Variants in USP25 observed in about 807,000 individuals in gnomAD.
USP25 encodes the protein ubiquitin carboxyl-terminal hydrolase 25.
USP25 carries 85 observed loss-of-function variants against 158.5 expected under a neutral mutation model. That is an observed-to-expected ratio of 0.54 (90% CI 0.45 to 0.64). The LOEUF is 0.64. Among genes scored for constraint, USP25 ranks in the 30% least tolerant of loss-of-function variants. The pLI is 0.00. For synonymous variants in USP25, 464 were observed against 460.4 expected, an observed-to-expected ratio of 1.01 and a Z score of -0.10; for missense variants, 1,242 against 1,327.3, an observed-to-expected ratio of 0.94 and a Z score of 1.00.
At chr21:15,834,989 A>G (rs1261336662) in intron 17 of USP25, among the ~76,000 whole-genome samples, 1 of 152,168 alleles carries the variant, frequency 6.6e-6, no homozygotes, top group African/African-American at 2.4e-5. Context: ...TTTTTAAAAC[A>G]TTTCTGTCCC....
chr21:15,796,260 G>C (rs2035857645), intron 5 of USP25, among the ~76,000 whole-genome samples: 1 of 151,418 alleles, frequency 6.6e-6, no homozygotes. Flanking sequence ...TAATTTTTAT[G>C]ATTTGTTGTG....
At chr21:15,771,504 A>C (rs1425083940) in intron 3 of USP25, among the ~76,000 whole-genome samples, 1 of 152,134 alleles carries the variant, frequency 6.6e-6, no homozygotes. Flanking sequence ...CTGATGGGGC[A>C]GTGTGCTGGC....
chr21:15,841,506 G>T lies in USP25; in HGVS notation c.2195-892G>T, dbSNP rs185610265. Among the ~76,000 whole-genome samples, 356 of 151,140 alleles carry T rather than the reference G, an allele frequency of 2.4e-3. 5 individuals carry two copies. Among genetic ancestry groups the T allele is most frequent in the African/African-American group, 8.3e-3 (342 of 41,196 alleles). On this transcript the variant is annotated intron_variant, in intron 17 of 25. Transcript: ENST00000400183. ...GTCCAGTCATATTATTCTTTTTTTT[G>T]AATGTAGTCCATGCTTACTGCATGG...
At chr21:15,751,985 A>G (rs1367681153) in intron 1 of USP25, among the ~76,000 whole-genome samples, 2 of 152,184 alleles carry the variant, frequency 1.3e-5, no homozygotes, top group East Asian at 3.9e-4. Context: ...CGCAGGTTGG[A>G]GTACAATGGT....
intron 2 of USP25, among the ~76,000 whole-genome samples, chr21:15,765,242 C>T (rs370348509): frequency 1.9e-4 from 29 of 152,016 alleles, no homozygotes; most frequent in Non-Finnish European, 3.4e-4. Flanking sequence ...TTAGAGCTAA[C>T]GTTTTACTTG....
At chr21:15,837,505 A>G (rs985892071) in intron 17 of USP25, among the ~76,000 whole-genome samples, 1 of 152,190 alleles carries the variant, frequency 6.6e-6, no homozygotes, top group Admixed American at 6.5e-5. Context: ...GAATCTCTGG[A>G]GAAAGGATCT....
At chr21:15,870,836 C>T (rs1310917118) in intron 23 of USP25, among the ~76,000 whole-genome samples, 7 of 152,036 alleles carry the variant, frequency 4.6e-5, no homozygotes, top group African/African-American at 1.7e-4. Flanking sequence ...TTAAGAAGCT[C>T]CCACTTAGGT....
At chr21:15,814,035 G>A (rs1384851409) in intron 9 of USP25, among the ~76,000 whole-genome samples, 1 of 151,108 alleles carries the variant, frequency 6.6e-6, no homozygotes, top group Non-Finnish European at 1.5e-5. Context: ...CTATTCTTAT[G>A]ATAATGAATA....
chr21:15,740,928 C>T (rs181519847), intron 1 of USP25, among the ~76,000 whole-genome samples: 19 of 151,222 alleles, frequency 1.3e-4, no homozygotes, highest in Admixed American at 6.6e-4. Context: ...TTAATGTTAT[C>T]GTGGTATGAT....
rs576697420 is a variant in USP25, at chr21:15,863,497, A to G, written c.2548-771A>G. 1.4e-4 allele frequency among the ~76,000 whole-genome samples: 22 copies of G among 152,218 alleles called. No individual in the cohort carries two copies. The South Asian group carries it at 4.1e-3, about 29-fold the overall frequency. ...TAATACGACTATGCATTTAAGAACA[A>G]TTTTCTTTCAGATTTGAGTATTGTT... On this transcript the variant is annotated intron_variant, in intron 20 of 25. Transcript: ENST00000400183.
intron 23 of USP25, among the ~76,000 whole-genome samples, chr21:15,874,000 ATGTTTG>A (rs1265697117): frequency 6.6e-6 from 1 of 152,068 alleles, no homozygotes; most frequent in East Asian, 1.9e-4. Context: ...AAACCAAATG[ATGTTTG>A]TGATCATTTA....
At chr21:15,762,043 C>A (rs1338367091) in intron 1 of USP25, among the ~76,000 whole-genome samples, 1 of 151,656 alleles carries the variant, frequency 6.6e-6, no homozygotes, top group East Asian at 1.9e-4. Context: ...ATATTCTGTT[C>A]CTGATCAAAC....
chr21:15,872,096 C>T (rs191325504), intron 23 of USP25, among the ~76,000 whole-genome samples: 7 of 138,866 alleles, frequency 5.0e-5, no homozygotes, highest in Admixed American at 3.8e-4. Flanking sequence ...AAAATATTGC[C>T]AAAAGATTCT....
intron 1 of USP25, among the ~76,000 whole-genome samples, chr21:15,735,712 A>G (rs1171267271): frequency 6.6e-5 from 10 of 152,146 alleles, no homozygotes; most frequent in Non-Finnish European, 1.5e-5. Flanking sequence ...GTGGTGTATG[A>G]TCTTTTTTGA....
intron 9 of USP25, among the ~76,000 whole-genome samples, chr21:15,811,704 A>G (rs2036669034): frequency 6.6e-6 from 1 of 152,212 alleles, no homozygotes; most frequent in African/African-American, 2.4e-5. Flanking sequence ...AAATCAGTGA[A>G]GAGTGATACT....
intron 14 of USP25, among the ~76,000 whole-genome samples, chr21:15,827,767 T>C (rs1009591450): frequency 1.0e-4 from 8 of 78,624 alleles, no homozygotes; most frequent in Middle Eastern, 0.016. Flanking sequence ...TGCGTGTGCG[T>C]GTGTGTGTGT....
At chr21:15,813,280 T>G (rs377505039) in intron 9 of USP25, among the ~76,000 whole-genome samples, 1 of 152,264 alleles carries the variant, frequency 6.6e-6, no homozygotes, top group Non-Finnish European at 1.5e-5. Context: ...CTAACTTATC[T>G]CTTCATTCTC....
intron 20 of USP25, among the ~76,000 whole-genome samples, chr21:15,859,408 G>C (rs1014646200): frequency 2.6e-5 from 4 of 151,892 alleles, no homozygotes; most frequent in African/African-American, 9.7e-5. Context: ...TGTTAGCCAG[G>C]GTGGTCTCAA....
At chr21:15,783,369 A>G (rs2035078911) in intron 4 of USP25, among the ~76,000 whole-genome samples, 2 of 152,218 alleles carry the variant, frequency 1.3e-5, no homozygotes, top group Non-Finnish European at 2.9e-5. Flanking sequence ...GTCCTTCTGC[A>G]CTTCTTGGAA....
Sources: gnomAD v4.1 joint callset for allele counts (sites outside exome capture counted in the v4.1 genomes callset) on GRCh38, gnomAD v4.1.1 for gene constraint, MANE v1.5 for transcripts, NCBI Gene and HGNC (gene_info 2026-07-23, HGNC 2026-07-21) for gene names.